Variants in RGS10 observed in about 807,000 individuals in gnomAD.
The protein encoded by RGS10 is regulator of G-protein signalling 10.
A neutral mutation model predicts 23.5 loss-of-function variants in RGS10; 11 were observed. The ratio of observed to expected loss-of-function variants is 0.47; its 90% CI spans 0.29 to 0.77. The LOEUF is 0.77. Ranked by LOEUF, RGS10 falls within the 30% of genes least tolerant of loss-of-function variation. The pLI is 0.08. For synonymous variants in RGS10, 77 were observed against 83.2 expected (o/e 0.92, Z 0.41); for missense variants, 180 against 226.3 (o/e 0.80, Z 1.31).
At chr10:119,506,129 T>A (rs1780028855) in intron 4 of RGS10, among the ~76,000 whole-genome samples, 1 of 152,188 alleles carries the variant, frequency 6.6e-6, no homozygotes, top group Non-Finnish European at 1.5e-5. Context: ...GAAGCTCCTG[T>A]CCCTCCAGCC....
At chr10:119,516,604 ACAG>A (rs1844147364) in intron 3 of RGS10, 1 of 152,190 alleles carries the variant, frequency 6.6e-6, no homozygotes, top group Non-Finnish European at 1.5e-5. Flanking sequence ...GATACTGAGC[ACAG>A]CAGTGGAGAA....
intron 4 of RGS10, among the ~76,000 whole-genome samples, chr10:119,503,793 G>A (rs140273907): frequency 1.3e-3 from 202 of 152,306 alleles, no homozygotes; most frequent in African/African-American, 4.5e-3. Flanking sequence ...CCCGGTGCAC[G>A]TGTGTCCTTA....
At chr10:119,531,155 T>C (rs2133958687) in intron 1 of RGS10, among the ~76,000 whole-genome samples, 1 of 152,334 alleles carries the variant, frequency 6.6e-6, no homozygotes, top group East Asian at 1.9e-4. Flanking sequence ...CTGCCAAGCA[T>C]TCCACTAATT....
In RGS10 at chr10:119,527,170, A is replaced by G; in HGVS notation, c.168+136T>C. ...AAGTCTCACCCTCAAGCTGGGATAGACAGTACTGAACTCTCAAGCTGGCAT... is the reference window on the plus strand; with the variant it reads ...AAGTCTCACCCTCAAGCTGGGATAGGCAGTACTGAACTCTCAAGCTGGCAT... On this transcript the variant is annotated intron_variant, in intron 2 of 4. Transcript: ENST00000369103. This position sits in a 1 kb window ranked among gnomAD's most constrained non-coding sequence, Gnocchi z 4.2. 1 of 619,276 alleles carries G rather than the reference A, an allele frequency of 1.6e-6. No homozygotes were observed. The highest frequency in any genetic ancestry group is 2.0e-5 in the South Asian group (1 of 49,584). 38.4% of individuals were successfully genotyped at this position (619,276 alleles called of 1,614,324 possible).
At chr10:119,516,049 C>T (rs1272178534) in intron 3 of RGS10, among the ~76,000 whole-genome samples, 1 of 152,068 alleles carries the variant, frequency 6.6e-6, no homozygotes, top group African/African-American at 2.4e-5. Context: ...GTCAGGAGTT[C>T]GAGAGCAGCC....
chr10:119,520,546 A>G (rs1485502438), intron 3 of RGS10, among the ~76,000 whole-genome samples: 1 of 152,186 alleles, frequency 6.6e-6, no homozygotes, highest in Admixed American at 6.5e-5. Context: ...AAACAGACCC[A>G]GGGAGGCTCC....
At chr10:119,501,994 T>A (rs1843958033) in intron 4 of RGS10, among the ~76,000 whole-genome samples, 1 of 152,102 alleles carries the variant, frequency 6.6e-6, no homozygotes, top group Admixed American at 6.6e-5. Flanking sequence ...CTGGTGCCCT[T>A]CTAGTCTTGC....
Position 119,542,645 on chromosome 10 carries a change from G to A in RGS10, c.-7C>T. On this transcript the variant is annotated 5_prime_UTR_variant, in exon 1 of 5. Coordinates refer to ENST00000369103, the MANE Select transcript of RGS10 (RefSeq NM_001005339.2). ...TCACGGCGCGGTTGAACATCGCCGC[G>A]GGCGCCCGAGGAGGAAGAAGGAGCA... 7.1e-7 allele frequency: 1 copy of A among 1,399,262 alleles called. No individual in the cohort carries two copies. The highest frequency in any genetic ancestry group is 9.3e-7 in the Non-Finnish European group (1 of 1,073,180). 86.7% of individuals were successfully genotyped at this position (1,399,262 alleles called of 1,614,324 possible).
intron 3 of RGS10, among the ~76,000 whole-genome samples, chr10:119,521,447 G>A (rs991137232): frequency 1.1e-4 from 17 of 151,904 alleles, no homozygotes; most frequent in African/African-American, 4.1e-4. Flanking sequence ...GAGGGTGCCT[G>A]TAATCCCAGC....
chr10:119,505,592 G>A (rs768167849), intron 4 of RGS10, among the ~76,000 whole-genome samples: 2 of 152,068 alleles, frequency 1.3e-5, no homozygotes, highest in Middle Eastern at 3.2e-3. Context: ...CCCAGACATT[G>A]CCATGGCTGA....
At chr10:119,505,238 A>G (rs928050277) in intron 4 of RGS10, among the ~76,000 whole-genome samples, 5 of 151,980 alleles carry the variant, frequency 3.3e-5, no homozygotes, top group African/African-American at 1.2e-4. Flanking sequence ...AGACACGGGA[A>G]CAGAGCTGAG....
At position 119,505,084 on chromosome 10, in the gene RGS10, T is replaced by C. The variant is rs542234237; in HGVS notation, c.400-4825A>G. Among the ~76,000 whole-genome samples the C allele has an allele frequency of 2.6e-5, 4 of 152,080 alleles. No homozygotes were observed. In the East Asian group the frequency reaches 7.7e-4, roughly 29 times the overall value. On this transcript the variant is annotated intron_variant, in intron 4 of 4. Coordinates refer to ENST00000369103, the MANE Select transcript of RGS10 (RefSeq NM_001005339.2). ...CCCAGACAGTTCCAACAAGCAGGGA[T>C]CCCTGAGGGGGAGACATGACCTCAC...
chr10:119,506,887 G>C (rs1413947660), intron 4 of RGS10, among the ~76,000 whole-genome samples: 1 of 152,118 alleles, frequency 6.6e-6, no homozygotes, highest in Non-Finnish European at 1.5e-5. Flanking sequence ...TTTTAGTAGA[G>C]ACGGGGTTTC....
At chr10:119,533,635 C>T (rs1266840906) in intron 1 of RGS10, among the ~76,000 whole-genome samples, 1 of 152,160 alleles carries the variant, frequency 6.6e-6, no homozygotes, top group Non-Finnish European at 1.5e-5. Flanking sequence ...AGACAGATTA[C>T]ACAAGAAAGC....
intron 4 of RGS10, among the ~76,000 whole-genome samples, chr10:119,503,913 C>T (rs1344351100): frequency 6.6e-6 from 1 of 152,146 alleles, no homozygotes; most frequent in Non-Finnish European, 1.5e-5. Context: ...AAGTCACATT[C>T]TGGGGATTAG....
At chr10:119,501,846 C>A (rs567183712) in intron 4 of RGS10, among the ~76,000 whole-genome samples, 1 of 152,230 alleles carries the variant, frequency 6.6e-6, no homozygotes, top group East Asian at 1.9e-4. Flanking sequence ...TCAAATTTTA[C>A]ACCTTCATCT....
chr10:119,516,863 AAGG>A (rs1327147519), intron 3 of RGS10, among the ~76,000 whole-genome samples: 1 of 152,218 alleles, frequency 6.6e-6, no homozygotes, highest in African/African-American at 2.4e-5. Context: ...CTTTTAGAGA[AAGG>A]AGACTTCCTG....
rs534558987 is a variant in RGS10 at position 119,513,642 on chromosome 10, G to A, written c.399+1867C>T. Among the ~76,000 whole-genome samples, 4 of 152,282 alleles carry A rather than the reference G, an allele frequency of 2.6e-5. No homozygotes were observed. In the East Asian group the frequency reaches 7.7e-4, roughly 29 times the overall value. On this transcript the variant is annotated intron_variant, in intron 4 of 4. Transcript: ENST00000369103. ...CCGTTCTGAGCTGTTGGGCAGGCGG[G>A]CTGGATCTCTCAGAGCCTGCAGTGC...
At chr10:119,537,728 G>A (rs897259616) in intron 1 of RGS10, among the ~76,000 whole-genome samples, 3 of 152,206 alleles carry the variant, frequency 2.0e-5, no homozygotes, top group Non-Finnish European at 2.9e-5. Flanking sequence ...GCTGGTAGGC[G>A]GTTTTCTTCA....
Sources: allele counts gnomAD v4.1 joint callset (sites outside exome capture counted in the v4.1 genomes callset), GRCh38; gene constraint gnomAD v4.1.1; non-coding constraint Gnocchi (gnomAD v3.1); transcripts MANE v1.5; gene names NCBI Gene and HGNC (gene_info 2026-07-23, HGNC 2026-07-21).